ADRA1B: variants seen among roughly 807,000 people sequenced by gnomAD.
ADRA1B encodes adrenoceptor alpha 1B.
A neutral mutation model predicts 17.9 loss-of-function variants in ADRA1B; 17 were observed. That is an observed-to-expected ratio of 0.95 (90% CI 0.65 to 1.42). The LOEUF (loss-of-function observed/expected upper bound fraction) is 1.42. Among genes scored for constraint, ADRA1B ranks in the 40% most tolerant of loss-of-function variants. The pLI, the probability that ADRA1B is intolerant of heterozygous loss-of-function variation, is 0.00. For synonymous variants in ADRA1B, 366 were observed against 327.6 expected (o/e 1.12, Z -1.27); for missense variants, 681 against 722.1 (o/e 0.94, Z 0.65).
At chr5:159,900,644 G>A (rs769430559) in intron 1 of ADRA1B, among the ~76,000 whole-genome samples, 1 of 152,196 alleles carries the variant, frequency 6.6e-6, no homozygotes, top group Non-Finnish European at 1.5e-5. Flanking sequence ...CCCTGAGGGA[G>A]AGAGAGAGTC....
the ADRA1B span, among the ~76,000 whole-genome samples, chr5:159,980,049 G>A: frequency 6.6e-6 from 1 of 152,020 alleles, no homozygotes; most frequent in African/African-American, 2.4e-5. Flanking sequence ...ATTTGCCATA[G>A]AAGAGGGAAA....
chr5:159,950,331 G>A (rs1371090315), intron 1 of ADRA1B, among the ~76,000 whole-genome samples: 2 of 152,124 alleles, frequency 1.3e-5, no homozygotes, highest in South Asian at 2.1e-4. Flanking sequence ...ACATGACAAG[G>A]TGGGGCTCCC....
intron 1 of ADRA1B, chr5:159,869,880 C>G (rs1457645176): frequency 6.6e-6 from 1 of 152,084 alleles, no homozygotes; most frequent in Non-Finnish European, 1.5e-5. Context: ...AATACATAGT[C>G]AATTAATATT....
At chr5:159,947,915 C>T in intron 1 of ADRA1B, 1 of 985,448 alleles carries the variant, frequency 1.0e-6, no homozygotes, top group Non-Finnish European at 1.2e-6. Flanking sequence ...TTCACATTCT[C>T]TGGCTTTCTG....
At position 159,945,840 on chromosome 5, in the gene ADRA1B, C is replaced by T. The variant is rs554299224; in HGVS notation, c.950-26039C>T. Among the ~76,000 whole-genome samples the T allele has an allele frequency of 1.5e-4, 23 of 151,924 alleles. 1 individual carries two copies. In the East Asian group the frequency reaches 4.1e-3, roughly 27 times the overall value. ...TCGGCTCACTGCAAGCTCCGCCTCC[C>T]GGGTTGACGCCATTCTCCTGCCTCA... On this transcript the variant is annotated intron_variant, in intron 1 of 1. Transcript: ENST00000306675.
chr5:159,927,905 GACTT>G (rs1258300666), intron 1 of ADRA1B, among the ~76,000 whole-genome samples: 1 of 152,168 alleles, frequency 6.6e-6, no homozygotes, highest in Non-Finnish European at 1.5e-5. Flanking sequence ...GGAAAAATGT[GACTT>G]ACTATGTGTG....
intron 1 of ADRA1B, among the ~76,000 whole-genome samples, chr5:159,883,903 G>T (rs1247493332): frequency 1.3e-5 from 2 of 151,872 alleles, no homozygotes; most frequent in Non-Finnish European, 2.9e-5. Flanking sequence ...CTGTTGGAAG[G>T]AATTGTTATC....
At chr5:159,944,729 G>T (rs1205518119) in intron 1 of ADRA1B, among the ~76,000 whole-genome samples, 2 of 152,060 alleles carry the variant, frequency 1.3e-5, no homozygotes, top group African/African-American at 4.8e-5. Flanking sequence ...TGGGGGAGAA[G>T]CTTGTTATTA....
intron 1 of ADRA1B, among the ~76,000 whole-genome samples, chr5:159,921,776 G>A (rs1444457504): frequency 6.6e-6 from 1 of 152,164 alleles, no homozygotes; most frequent in African/African-American, 2.4e-5. Flanking sequence ...TCTCTCCATT[G>A]ATTTGATCCT....
At chr5:159,951,019 G>A (rs991922245) in intron 1 of ADRA1B, 6 of 676,844 alleles carry the variant, frequency 8.9e-6, no homozygotes, top group African/African-American at 1.7e-5. Flanking sequence ...GGATGACCTC[G>A]CCCAGGGGCA....
rs992137025 is a variant in ADRA1B, at chr5:159,941,488, C to T, written c.949+23634C>T. On this transcript the variant is annotated intron_variant, in intron 1 of 1. Transcript: ENST00000306675. Reference sequence around the variant, plus strand: ...GTTTGGTAGTTCCTCAAAAGTTAAACAAAGGGTTGCCTAATGACCCAGCAG... The same window carrying T: ...GTTTGGTAGTTCCTCAAAAGTTAAATAAAGGGTTGCCTAATGACCCAGCAG... 7.2e-5 allele frequency among the ~76,000 whole-genome samples: 11 copies of T among 152,282 alleles called. No individual in the cohort carries two copies. The South Asian group carries it at 8.3e-4, about 11-fold the overall frequency.
chr5:159,935,867 G>A (rs1424349965), intron 1 of ADRA1B, among the ~76,000 whole-genome samples: 1 of 152,166 alleles, frequency 6.6e-6, no homozygotes, highest in African/African-American at 2.4e-5. Context: ...ATTCTTAAAT[G>A]TATACTCTTA....
chr5:159,871,248 T>C (rs1753735500), intron 1 of ADRA1B: 1 of 152,168 alleles, frequency 6.6e-6, no homozygotes, highest in African/African-American at 2.4e-5. Flanking sequence ...TGCAACATGG[T>C]TAAAAACCCG....
chr5:159,981,351 C>CAA, the ADRA1B span, among the ~76,000 whole-genome samples: 3,561 of 152,118 alleles, frequency 0.023, 49 homozygotes, highest in Non-Finnish European at 0.036. Context: ...TGTCTCCAGC[C>CAA]AAATGCCTCC....
intron 1 of ADRA1B, among the ~76,000 whole-genome samples, chr5:159,897,708 C>T (rs188571432): frequency 1.3e-5 from 2 of 152,296 alleles, no homozygotes; most frequent in African/African-American, 4.8e-5. Flanking sequence ...TGTTGGTAAA[C>T]ATGTGAGTCA....
chr5:159,879,292 C>A (rs999642789), intron 1 of ADRA1B, among the ~76,000 whole-genome samples: 2 of 152,134 alleles, frequency 1.3e-5, no homozygotes, highest in Non-Finnish European at 2.9e-5. Flanking sequence ...GGAATGCAGT[C>A]AGCTTGGCTC....
the ADRA1B span, among the ~76,000 whole-genome samples, chr5:159,988,332 G>C: frequency 6.6e-6 from 1 of 152,214 alleles, no homozygotes; most frequent in African/African-American, 2.4e-5. Context: ...CTTGACTTTA[G>C]CCCAGTAAAA....
chr5:159,917,630 TGAA>T lies in ADRA1B; in HGVS notation c.727_729del (p.Lys243del). On this transcript the variant is annotated inframe_deletion, in exon 1 of 2. Transcript: ENST00000306675. ...ACCAAGAACCTAGAGGCAGGAGTCA[TGAA>T]GGAGATGTCCAACTCCAAGGAGCTG... The T allele has an allele frequency of 6.2e-7, 1 of 1,613,090 alleles. No homozygotes were observed. Among genetic ancestry groups the T allele is most frequent in the African/African-American group, 1.3e-5 (1 of 74,632 alleles).
At chr5:159,971,017 G>A (rs1755855723) in intron 1 of ADRA1B, among the ~76,000 whole-genome samples, 3 of 152,180 alleles carry the variant, frequency 2.0e-5, no homozygotes, top group African/African-American at 7.2e-5. Flanking sequence ...GCCCCGGCTG[G>A]TCTCAATCCC....
Sources: gnomAD v4.1 joint callset for allele counts (sites outside exome capture counted in the v4.1 genomes callset) on GRCh38, gnomAD v4.1.1 for gene constraint, MANE v1.5 for transcripts, NCBI Gene and HGNC (gene_info 2026-07-23, HGNC 2026-07-21) for gene names.